Variants in RBMS1 observed in about 807,000 individuals in gnomAD.
RBMS1 encodes RNA binding motif single stranded interacting protein 1, also known as RNA-binding motif, single-stranded-interacting protein 1.
In RBMS1, 17 loss-of-function variants were observed where a neutral mutation model predicts 62.3. The ratio of observed to expected loss-of-function variants is 0.27; its 90% confidence interval spans 0.19 to 0.41. The LOEUF (loss-of-function observed/expected upper bound fraction) is 0.41, where lower values mean the gene tolerates loss of function less well. Ranked by LOEUF, RBMS1 falls within the 10% of genes least tolerant of loss-of-function variation. The pLI is 1.00. For missense variants in RBMS1, 334 were observed against 504.5 expected, an observed-to-expected ratio of 0.66 and a Z score of 3.24; for synonymous variants, 172 against 170.0, an observed-to-expected ratio of 1.01 and a Z score of -0.09.
At chr2:160,342,843 CAGA>C (rs1316136186) in intron 2 of RBMS1, among the ~76,000 whole-genome samples, 1 of 151,286 alleles carries the variant, frequency 6.6e-6, no homozygotes, top group East Asian at 1.9e-4. Flanking sequence ...GAGGCTGAGG[CAGA>C]AGAATCATTT....
At chr2:160,389,674 G>A (rs1694755409) in intron 1 of RBMS1, among the ~76,000 whole-genome samples, 2 of 110,204 alleles carry the variant, frequency 1.8e-5, no homozygotes, top group Admixed American at 2.9e-4. Context: ...TTCCAGCCTA[G>A]GCAACAGAGC....
intron 1 of RBMS1, among the ~76,000 whole-genome samples, chr2:160,383,464 G>GAA (rs55985692): frequency 1.4e-5 from 2 of 144,892 alleles, no homozygotes; most frequent in Non-Finnish European, 3.0e-5. Context: ...GGGGGGGGGG[G>GAA]AACTGACCCA....
Position 160,367,249 on chromosome 2 carries a change from G to C in RBMS1, c.218C>G (p.Thr73Ser). 6.2e-7 allele frequency: 1 copy of C among 1,613,866 alleles called. No individual in the cohort carries two copies. The highest frequency in any genetic ancestry group is 8.5e-7 in the Non-Finnish European group (1 of 1,179,994). The change falls in exon 2 of 14, where the codon ACC becomes AGC. Residue 73 changes from threonine to serine, a missense_variant. Physicochemically the swap from Thr to Ser is moderately conservative, Grantham distance 58. Around this residue, in one of 3 missense-constraint regions of RBMS1, gnomAD observed 150 missense variants for 228.0 expected, o/e 0.66. Transcript: ENST00000348849. ...NLYIRGLPPH[T>S]TDQDLVKLCQ... ...GAGCTTCACCAGGTCCTGGTCGGTG[G>C]TGTGGGGAGGCAGTCCTCGGATATA...
At chr2:160,469,301 C>T (rs1459788249) in intron 1 of RBMS1, among the ~76,000 whole-genome samples, 3 of 152,184 alleles carry the variant, frequency 2.0e-5, no homozygotes, top group South Asian at 2.1e-4. Flanking sequence ...CTCAAACCAG[C>T]GTCCTGTCCT....
At chr2:160,421,777 G>A (rs1268943929) in intron 1 of RBMS1, among the ~76,000 whole-genome samples, 2 of 152,178 alleles carry the variant, frequency 1.3e-5, no homozygotes, top group African/African-American at 4.8e-5. Context: ...GTGTAAAAAT[G>A]TTTCTATTTC....
chr2:160,491,190 C>T (rs1206041105), intron 1 of RBMS1, among the ~76,000 whole-genome samples: 1 of 151,970 alleles, frequency 6.6e-6, no homozygotes, highest in Non-Finnish European at 1.5e-5. Flanking sequence ...AGAAGATGTC[C>T]CCTTCTGAGA....
chr2:160,359,904 CCTT>C, intron 2 of RBMS1, among the ~76,000 whole-genome samples: 1 of 152,258 alleles, frequency 6.6e-6, no homozygotes, highest in East Asian at 1.9e-4. Flanking sequence ...TTCAAGTTGT[CCTT>C]CTCCTGTTAG....
intron 4 of RBMS1, among the ~76,000 whole-genome samples, chr2:160,308,427 C>A (rs779496739): frequency 7.9e-5 from 12 of 151,892 alleles, no homozygotes; most frequent in Non-Finnish European, 1.6e-4. Flanking sequence ...CAAAACAAAA[C>A]AAAAATCATC....
rs768629704 is a variant in RBMS1 at position 160,278,611 on chromosome 2, G to A, written c.999C>T (p.Pro333=). 1.4e-5 allele frequency: 22 copies of A among 1,613,500 alleles called. No homozygotes were observed. The highest frequency in any genetic ancestry group is 6.6e-5 in the South Asian group (6 of 91,054). ...PSMEHTMSLQ[P]ASMISPLAQQ... is the part of the protein sequence containing the mutation. Reference sequence around the variant, plus strand: ...GGGCCAGAGGGCTGATCATTGATGCGGGCTGTAGTGACATGGTGTGCTCCA... The same window carrying A: ...GGGCCAGAGGGCTGATCATTGATGCAGGCTGTAGTGACATGGTGTGCTCCA... Residue 333 remains proline, a synonymous_variant, in exon 11 of 14, where the codon CCC becomes CCT. Coordinates refer to ENST00000348849, the MANE Select transcript of RBMS1 (RefSeq NM_016836.4).
At chr2:160,309,970 T>C (rs994183003) in intron 4 of RBMS1, among the ~76,000 whole-genome samples, 2 of 152,178 alleles carry the variant, frequency 1.3e-5, no homozygotes, top group African/African-American at 4.8e-5. Flanking sequence ...TTTTGTCAAA[T>C]AAACAGTACT....
intron 2 of RBMS1, among the ~76,000 whole-genome samples, chr2:160,336,860 C>A (rs1691601314): frequency 6.6e-6 from 1 of 152,148 alleles, no homozygotes; most frequent in South Asian, 2.1e-4. Flanking sequence ...CACAGTTTAA[C>A]ATTTCCCTTG....
intron 2 of RBMS1, among the ~76,000 whole-genome samples, chr2:160,364,559 G>C (rs1057254790): frequency 2.6e-5 from 4 of 152,170 alleles, no homozygotes; most frequent in Non-Finnish European, 5.9e-5. Flanking sequence ...CCTCTTTCGA[G>C]TCTGGGTGGG....
At chr2:160,418,431 CAT>C (rs1696289817) in intron 1 of RBMS1, among the ~76,000 whole-genome samples, 2 of 152,078 alleles carry the variant, frequency 1.3e-5, no homozygotes, top group South Asian at 4.2e-4. Flanking sequence ...GATAAAAAGA[CAT>C]ATATCTGAAA....
At chr2:160,491,921 T>C (rs944413422) in intron 1 of RBMS1, among the ~76,000 whole-genome samples, 1 of 152,102 alleles carries the variant, frequency 6.6e-6, no homozygotes, top group Non-Finnish European at 1.5e-5. Flanking sequence ...CAAAGTAAAG[T>C]GGGAATTGGG....
intron 9 of RBMS1, chr2:160,283,581 T>C (rs1271351846): frequency 6.6e-6 from 1 of 152,216 alleles, no homozygotes; most frequent in African/African-American, 2.4e-5. Context: ...TTAGCGTATC[T>C]AATCACTTCT....
intron 1 of RBMS1, among the ~76,000 whole-genome samples, chr2:160,482,352 C>T (rs1453329268): frequency 6.6e-6 from 1 of 152,162 alleles, no homozygotes; most frequent in African/African-American, 2.4e-5. Context: ...ATATCATCAC[C>T]TGAGTGGTTA....
chr2:160,311,232 C>CTATATATCTATATATCTATATATA (rs1689866017), intron 4 of RBMS1, among the ~76,000 whole-genome samples: 3,359 of 78,726 alleles, frequency 0.043, 129 homozygotes, highest in Non-Finnish European at 0.068. Context: ...ATCTATCTAT[C>CTATATATCTATATATCTATATATA]TATATATATA....
intron 10 of RBMS1, 56 bp from the exon 11 acceptor site, chr2:160,278,714 C>T: frequency 9.1e-7 from 1 of 1,093,384 alleles, no homozygotes; most frequent in Admixed American, 2.5e-5. Context: ...AGTTAAGATC[C>T]TGTAATTACT....
intron 2 of RBMS1, among the ~76,000 whole-genome samples, chr2:160,341,061 T>C (rs894262268): frequency 1.3e-5 from 2 of 152,186 alleles, no homozygotes; most frequent in Non-Finnish European, 2.9e-5. Context: ...AATTATTAGT[T>C]ATTTTAGAGC....
Sources: gnomAD v4.1 joint callset for allele counts (sites outside exome capture counted in the v4.1 genomes callset) on GRCh38, gnomAD v4.1.1 for gene constraint, gnomAD v4.1.1 regional missense constraint, MANE v1.5 for transcripts, NCBI Gene and HGNC (gene_info 2026-07-23, HGNC 2026-07-21) for gene names.